SCN1A: variants seen among roughly 807,000 people sequenced by gnomAD.
SCN1A encodes the protein sodium channel protein type 1 subunit alpha.
A neutral mutation model predicts 193.7 loss-of-function variants in SCN1A; 13 were observed. That is an observed-to-expected ratio of 0.07 (90% CI 0.04 to 0.11). The LOEUF is 0.11. Among genes scored for constraint, SCN1A ranks in the 10% least tolerant of loss-of-function variants. The pLI is 1.00. For synonymous variants in SCN1A, 781 were observed against 843.6 expected (o/e 0.93, Z 1.29); for missense variants, 1,432 against 2,451.1 (o/e 0.58, Z 8.78).
At position 166,134,108 on chromosome 2, in the gene SCN1A, A is replaced by G. The variant is rs185985185; in HGVS notation, c.-50+14939T>C. Reference sequence around the variant, plus strand: ...ACCTCATAAAAAAGAATGTCAATTTACATAAATCATTACCATTGCTTTATC... The same window carrying G: ...ACCTCATAAAAAAGAATGTCAATTTGCATAAATCATTACCATTGCTTTATC... On this transcript the variant is annotated intron_variant, in intron 1 of 26. Transcript: ENST00000635750. 2.6e-5 allele frequency among the ~76,000 whole-genome samples: 4 copies of G among 152,318 alleles called. No homozygotes were observed. In the East Asian group the frequency reaches 7.7e-4, roughly 29 times the overall value.
At chr2:166,131,143 G>GA (rs1426035459), upstream of SCN1A, among the ~76,000 whole-genome samples, 28 of 152,072 alleles carry the variant, frequency 1.8e-4, no homozygotes, top group African/African-American at 6.3e-4. Context: ...TTCAAAAAAT[G>GA]AAAAACTAAT....
intron 4 of SCN1A, chr2:166,060,489 T>C (rs963873878): frequency 6.6e-6 from 1 of 152,146 alleles, no homozygotes; most frequent in Non-Finnish European, 1.5e-5. Flanking sequence ...GGAATAAATA[T>C]GGTCCACCTT....
At chr2:166,031,031 A>C (rs1282413682) in intron 19 of SCN1A, among the ~76,000 whole-genome samples, 1 of 152,040 alleles carries the variant, frequency 6.6e-6, no homozygotes, top group African/African-American at 2.4e-5. Context: ...TATTCCTACT[A>C]TGGCATGAGT....
In SCN1A at chr2:165,991,536, T is replaced by C. The variant is rs554861427; in HGVS notation, c.5739A>G (p.Lys1913=). 6.7e-5 allele frequency: 108 copies of C among 1,613,946 alleles called. 2 individuals carry two copies. The South Asian group carries it at 1.1e-3, about 17-fold the overall frequency. The change falls in exon 29 of 29, where the codon AAA becomes AAG. Residue 1913 remains lysine, a synonymous_variant. Coordinates refer to ENST00000674923, the MANE Select transcript of SCN1A (RefSeq NM_001165963.4). ...YQPITTTLKR[K]QEEVSAVIIQ... is the part of the protein sequence containing the mutation. ...TAATGACAGCAGATACTTCCTCTTG[T>C]TTTCGTTTTAAAGTAGTAGTGATTG...
intron 2 of SCN1A, among the ~76,000 whole-genome samples, chr2:166,115,357 C>T (rs564171103): frequency 3.3e-5 from 5 of 151,908 alleles, no homozygotes; most frequent in South Asian, 4.2e-4. Flanking sequence ...AGCGAAACTC[C>T]GTCTAAAACA....
At chr2:166,056,192 G>A (rs1304946599) in intron 6 of SCN1A, among the ~76,000 whole-genome samples, 2 of 152,044 alleles carry the variant, frequency 1.3e-5, no homozygotes, top group African/African-American at 4.8e-5. Flanking sequence ...GTCCAAGAGT[G>A]GTGGTCTTCA....
intron 17 of SCN1A, among the ~76,000 whole-genome samples, 179 bp downstream of exon 17, chr2:166,039,244 G>A (rs1696834407): frequency 6.6e-6 from 1 of 152,060 alleles, no homozygotes; most frequent in South Asian, 2.1e-4. Context: ...TTGAAATAAA[G>A]GTTTTCATAA....
At position 165,992,607 on chromosome 2, in the gene SCN1A, C is replaced by G. The variant is rs940861214; in HGVS notation, c.4853-185G>C. ...TATAAATCTTAATTTTGAAATTCAGCAATAATTTCAATTATAAGGATTATA... is the reference window on the plus strand; with the variant it reads ...TATAAATCTTAATTTTGAAATTCAGGAATAATTTCAATTATAAGGATTATA... On this transcript the variant is annotated intron_variant, in intron 28 of 28. Transcript: ENST00000674923. The surrounding 1 kb of genome is among the most constrained non-coding windows in gnomAD (Gnocchi z 6.5). The G allele has an allele frequency of 3.4e-6, 1 of 296,170 alleles. No homozygotes were observed. The highest frequency in any genetic ancestry group is 2.2e-5 in the African/African-American group (1 of 44,936). 18.3% of individuals were successfully genotyped at this position (296,170 alleles called of 1,614,324 possible).
intron 8 of SCN1A, 38 bp downstream of exon 8, chr2:166,052,814 C>T (rs749387680): frequency 6.7e-7 from 1 of 1,484,512 alleles, no homozygotes; most frequent in Admixed American, 1.7e-5. Context: ...TGCTGAATCA[C>T]ATGATGGGTC....
chr2:166,046,821 G>A lies in SCN1A; in HGVS notation c.1326C>T (p.Ala442=), dbSNP rs753601387. The change falls in exon 12 of 29, where the codon GCC becomes GCT. Residue 442 remains alanine (A), a synonymous_variant. Transcript: ENST00000674923. ...ATLEEAEQKE[A]EFQQMIEQLK... ...GCTGTTCAATCATCTGCTGAAATTCGGCCTCTTTCTGTTCTGCTTCTTCCA... is the reference window on the plus strand; with the variant it reads ...GCTGTTCAATCATCTGCTGAAATTCAGCCTCTTTCTGTTCTGCTTCTTCCA... 13 of 1,613,740 alleles carry A rather than the reference G, an allele frequency of 8.1e-6. No individual in the cohort carries two copies. The highest frequency in any genetic ancestry group is 1.7e-4 in the Middle Eastern group (1 of 6,056).
chr2:166,026,897 G>A lies in SCN1A; in HGVS notation c.3429+9151C>T, dbSNP rs541877098. Among the ~76,000 whole-genome samples the A allele has an allele frequency of 3.9e-3, 584 of 151,618 alleles. 11 individuals are homozygous for A. The highest frequency in any genetic ancestry group is 0.03 in the Admixed American group (463 of 15,206). ...ATGGGGTTTCACCGTGTTAGCCAGG[G>A]TGGTCTCGATCTCCTGACCTCGTGA... On this transcript the variant is annotated intron_variant, in intron 19 of 28. Coordinates refer to ENST00000674923, the MANE Select transcript of SCN1A (RefSeq NM_001165963.4).
chr2:166,023,847 C>T (rs909530924), intron 19 of SCN1A, among the ~76,000 whole-genome samples: 1 of 151,866 alleles, frequency 6.6e-6, no homozygotes, highest in Admixed American at 6.6e-5. Context: ...GCAATCTCGG[C>T]TCACTGTGAC....
In SCN1A at chr2:166,036,103, T is replaced by A. The variant is rs369883186; in HGVS notation, c.3374A>T (p.Glu1125Val). 1 of 1,613,978 alleles carries A rather than the reference T, an allele frequency of 6.2e-7. No homozygotes were observed. The highest frequency in any genetic ancestry group is 8.5e-7 in the Non-Finnish European group (1 of 1,179,922). ...VPIAVGESDF[E>V]NLNTEDFSSE... ...ACTAAAGTCTTCCGTGTTTAAATTT[T>A]CAAAGTCAGATTCTCCTACAGCAAT... The change falls in exon 19 of 29, where the codon GAA (glutamate) becomes GTA (valine). Residue 1125 changes from glutamate (E) to valine (V), a missense_variant. Physicochemically the swap from Glu to Val is moderately radical, Grantham distance 121. Around this residue, in one of 18 missense-constraint regions of SCN1A, gnomAD observed 198 missense variants for 225.8 expected, o/e 0.88. Coordinates refer to ENST00000674923, the MANE Select transcript of SCN1A (RefSeq NM_001165963.4).
chr2:166,136,287 T>C (rs1050700185), intron 1 of SCN1A, among the ~76,000 whole-genome samples: 2 of 152,176 alleles, frequency 1.3e-5, no homozygotes, highest in African/African-American at 4.8e-5. Flanking sequence ...CTGACGTTTC[T>C]GCTTCCCTTA....
chr2:165,992,517 C>CT lies in SCN1A; in HGVS notation c.4853-96_4853-95insA. 10 of 1,248,532 alleles carry CT rather than the reference C, an allele frequency of 8.0e-6. No homozygotes were observed. The highest frequency in any genetic ancestry group is 2.4e-5 in the East Asian group (1 of 42,058). The allele number at this position is 1,248,532 out of a possible 1,614,324, so 77.3% of individuals were successfully genotyped here. ...AAAGCTCCAAGGTAAGGTTCAGAGT[C>CT]CTGAACCCAGTTATATTAAATATGA... is the stretch of plus-strand genomic sequence containing the variant. On this transcript the variant is annotated intron_variant, in intron 28 of 28. Coordinates refer to ENST00000674923, the MANE Select transcript of SCN1A (RefSeq NM_001165963.4). This position sits in a 1 kb window ranked among gnomAD's most constrained non-coding sequence, Gnocchi z 6.5.
chr2:165,997,997 T>G (rs778406915), intron 26 of SCN1A, 41 bp downstream of exon 26: 4 of 1,521,460 alleles, frequency 2.6e-6, no homozygotes, highest in Non-Finnish European at 3.6e-6. Flanking sequence ...CAAGGAATAA[T>G]TTTCTATCTC....
intron 2 of SCN1A, among the ~76,000 whole-genome samples, chr2:166,102,770 T>C (rs1688247912): frequency 6.6e-6 from 1 of 152,164 alleles, no homozygotes; most frequent in Non-Finnish European, 1.5e-5. Context: ...GCAGCACTAT[T>C]CACAATAGCA....
intron 19 of SCN1A, among the ~76,000 whole-genome samples, chr2:166,027,954 A>C (rs1574125973): frequency 6.6e-6 from 1 of 152,286 alleles, no homozygotes; most frequent in East Asian, 1.9e-4. Context: ...AGAAAACTCA[A>C]ATATTAACTC....
chr2:166,013,936 T>C, intron 20 of SCN1A, 38 bp from the exon 21 acceptor site: 1 of 1,603,326 alleles, frequency 6.2e-7, no homozygotes, highest in Non-Finnish European at 8.5e-7. Flanking sequence ...ATAAAGTGTC[T>C]CTGCTTCCAT....
Sources: gnomAD v4.1 joint callset for allele counts (sites outside exome capture counted in the v4.1 genomes callset) on GRCh38, gnomAD v4.1.1 for gene constraint, gnomAD v4.1.1 regional missense constraint, Gnocchi (gnomAD v3.1) non-coding constraint, MANE v1.5 for transcripts, NCBI Gene and HGNC (gene_info 2026-07-23, HGNC 2026-07-21) for gene names.